The following TTYH2 variants were observed in gnomAD, a reference collection of about 807,000 sequenced individuals.
The protein encoded by TTYH2 is protein tweety homolog 2.
TTYH2 carries 49 observed loss-of-function variants against 68.3 expected under a neutral mutation model. That is an observed-to-expected ratio of 0.72 (90% CI 0.57 to 0.91). The LOEUF (loss-of-function observed/expected upper bound fraction) is 0.91, where lower values mean the gene tolerates loss of function less well. Among genes scored for constraint, TTYH2 ranks in the 40% least tolerant of loss-of-function variants. The pLI is 0.00. For missense variants in TTYH2, 631 were observed against 700.4 expected, an observed-to-expected ratio of 0.90 and a Z score of 1.12; for synonymous variants, 272 against 300.8, an observed-to-expected ratio of 0.90 and a Z score of 0.99.
At chr17:74,224,183 G>T (rs754563135) in intron 2 of TTYH2, among the ~76,000 whole-genome samples, 4 of 152,196 alleles carry the variant, frequency 2.6e-5, no homozygotes, top group Non-Finnish European at 5.9e-5. Context: ...GCCAAGGCGG[G>T]TGGATCGCCT....
At chr17:74,247,263 G>A (rs2050568512) in intron 6 of TTYH2, among the ~76,000 whole-genome samples, 1 of 151,732 alleles carries the variant, frequency 6.6e-6, no homozygotes. Flanking sequence ...TTGCCCCCGT[G>A]ACTCAGTTAC....
chr17:74,236,565 C>T (rs1284967619), intron 3 of TTYH2, among the ~76,000 whole-genome samples: 3 of 152,214 alleles, frequency 2.0e-5, no homozygotes, highest in African/African-American at 4.8e-5. Context: ...GCAGGGGCCA[C>T]GTGGTGGGCA....
chr17:74,248,264 C>G, intron 6 of TTYH2: 2 of 985,686 alleles, frequency 2.0e-6, no homozygotes, highest in African/African-American at 1.7e-5. Context: ...TAGAGCACCC[C>G]AGGCCAGATC....
chr17:74,244,014 T>G lies in TTYH2; in HGVS notation c.769T>G (p.Trp257Gly), dbSNP rs1481321733. The G allele has an allele frequency of 2.4e-5, 39 of 1,612,202 alleles. No individual in the cohort carries two copies. Among genetic ancestry groups the G allele is most frequent in the Non-Finnish European group, 3.3e-5 (39 of 1,179,920 alleles). The change falls in exon 6 of 14, where the codon TGG becomes GGG. Residue 257 changes from tryptophan (W) to glycine (G), a missense_variant. By Grantham distance (184) the Trp-to-Gly change is radical. Transcript: ENST00000269346. The part of the protein sequence containing the change: ...CCGALSLLLS[W>G]ASLAADGSAA... The stretch of plus-strand genomic sequence containing the variant: ...TGGGGCACTGAGCCTGCTCCTCAGT[T>G]GGGCATCCCTGGCCGCTGATGGCTC...
chr17:74,251,310 TTGTGTGCACA>T (rs1419866898), intron 10 of TTYH2, among the ~76,000 whole-genome samples: 4 of 149,962 alleles, frequency 2.7e-5, no homozygotes, highest in South Asian at 4.3e-4. Context: ...TGCATGTGTG[TTGTGTGCACA>T]TGTGTGCACA....
intron 4 of TTYH2, among the ~76,000 whole-genome samples, chr17:74,237,888 C>T (rs944558301): frequency 6.6e-6 from 1 of 152,252 alleles, no homozygotes; most frequent in Non-Finnish European, 1.5e-5. Flanking sequence ...TGGCCTCAGC[C>T]TCCCAAAGTG....
chr17:74,234,572 C>G lies in TTYH2; in HGVS notation c.415-2722C>G, dbSNP rs535414686. Among the ~76,000 whole-genome samples the G allele has an allele frequency of 2.6e-5, 4 of 152,284 alleles. No homozygotes were observed. In the East Asian group the frequency reaches 7.7e-4, roughly 29 times the overall value. ...ATAGCGAGACCCCATCTCAAAAAAA[C>G]AATTTTTTAGTTTTGTTTCCTGTGG... is the stretch of plus-strand genomic sequence containing the variant. On this transcript the variant is annotated intron_variant, in intron 3 of 13. Coordinates refer to ENST00000269346, the MANE Select transcript of TTYH2 (RefSeq NM_032646.6).
chr17:74,259,175 A>G (rs1431942634), intron 13 of TTYH2, among the ~76,000 whole-genome samples: 2 of 152,038 alleles, frequency 1.3e-5, no homozygotes, highest in African/African-American at 4.8e-5. Context: ...AAAAACACTG[A>G]TAGCTCTTTA....
At chr17:74,226,369 G>C (rs932831381) in intron 2 of TTYH2, among the ~76,000 whole-genome samples, 3 of 152,142 alleles carry the variant, frequency 2.0e-5, no homozygotes, top group African/African-American at 7.2e-5. Context: ...ACAAGGAAGG[G>C]CTGGGAATGC....
rs1491472533 is a variant in TTYH2 at position 74,232,062 on chromosome 17, CCA to C, written c.414+1069_414+1070del. On this transcript the variant is annotated intron_variant, in intron 3 of 13. Transcript: ENST00000269346. The surrounding 1 kb of genome is among the most constrained non-coding windows in gnomAD (Gnocchi z 5.1). The stretch of plus-strand genomic sequence containing the variant: ...TTTTCCCACAGTTTGACCTTGGCCC[CCA>C]CACACGTCATTCTCACTCTAAGCAC... Among the ~76,000 whole-genome samples, 1 of 152,200 alleles carries C rather than the reference CCA, an allele frequency of 6.6e-6. No homozygotes were observed. The highest frequency in any genetic ancestry group is 1.5e-5 in the Non-Finnish European group (1 of 68,036).
rs2050402252 is a variant in TTYH2, at chr17:74,232,693, A to G, written c.414+1694A>G. The stretch of plus-strand genomic sequence containing the variant: ...TGCCTCCTCTTCACCCACCAGCACC[A>G]GGATCACTGGAGGAGGAACCTAGCC... On this transcript the variant is annotated intron_variant, in intron 3 of 13. Transcript: ENST00000269346. This position sits in a 1 kb window ranked among gnomAD's most constrained non-coding sequence, Gnocchi z 5.1. 1.3e-5 allele frequency among the ~76,000 whole-genome samples: 2 copies of G among 152,140 alleles called. No homozygotes were observed. The highest frequency in any genetic ancestry group is 1.3e-4 in the Admixed American group (2 of 15,278).
At chr17:74,260,035 G>C in intron 13 of TTYH2, 94 bp from the exon 14 acceptor site, 1 of 1,139,528 alleles carries the variant, frequency 8.8e-7, no homozygotes, top group South Asian at 1.2e-5. Context: ...TCTGACACCC[G>C]ACCCAGTTCC....
At chr17:74,253,473 C>T (rs2050658976) in intron 12 of TTYH2, among the ~76,000 whole-genome samples, 1 of 152,216 alleles carries the variant, frequency 6.6e-6, no homozygotes, top group Admixed American at 6.5e-5. Context: ...CCACTGATGT[C>T]AGCAGCCTCT....
At chr17:74,238,667 G>A (rs2050468995) in intron 4 of TTYH2, among the ~76,000 whole-genome samples, 1 of 152,028 alleles carries the variant, frequency 6.6e-6, no homozygotes, top group Admixed American at 6.5e-5. Context: ...GGGAGTCCGA[G>A]ACCAGCCTGA....
rs1300178422 is a variant in TTYH2 at position 74,260,012 on chromosome 17, G to A, written c.1525-117G>A. ...CTTGATGGATGTGGGGTGGAGGCACGGCCGGGTTTCCCTCTGACACCCGAC... is the reference window on the plus strand; with the variant it reads ...CTTGATGGATGTGGGGTGGAGGCACAGCCGGGTTTCCCTCTGACACCCGAC... On this transcript the variant is annotated intron_variant, in intron 13 of 13. Transcript: ENST00000269346. 2.5e-5 allele frequency: 21 copies of A among 853,050 alleles called. 1 individual carries two copies. Among genetic ancestry groups the A allele is most frequent in the South Asian group, 1.2e-4 (9 of 73,524 alleles). 52.8% of individuals were successfully genotyped at this position (853,050 alleles called of 1,614,324 possible).
In TTYH2 at chr17:74,250,258, G is replaced by A. The variant is rs370613156; in HGVS notation, c.1024-7G>A. The A allele has an allele frequency of 4.9e-5, 79 of 1,610,880 alleles. No individual in the cohort carries two copies. The highest frequency in any genetic ancestry group is 6.2e-5 in the Non-Finnish European group (73 of 1,178,422). ...CCTCGGCCTCTCTCGCTCTCTTCCC[G>A]CTTCAGGAAGACCTGCTTGCAATCC... On this transcript the variant is annotated splice_region_variant and splice_polypyrimidine_tract_variant and intron_variant, in intron 9 of 13. Coordinates refer to ENST00000269346, the MANE Select transcript of TTYH2 (RefSeq NM_032646.6).
chr17:74,240,053 T>C lies in TTYH2; in HGVS notation c.635+2539T>C, dbSNP rs146796175. ...TATTGTTAAGGCGATGGTATTAAAA[T>C]AGTGGAAGGATGGTGTCAACTGCAC... is the stretch of plus-strand genomic sequence containing the variant. On this transcript the variant is annotated intron_variant, in intron 4 of 13. Transcript: ENST00000269346. Among the ~76,000 whole-genome samples, 685 of 152,320 alleles carry C rather than the reference T, an allele frequency of 4.5e-3. 6 individuals carry two copies. The highest frequency in any genetic ancestry group is 0.016 in the African/African-American group (665 of 41,570).
intron 6 of TTYH2, 29 bp downstream of exon 6, chr17:74,244,078 G>T (rs1567817837): frequency 6.2e-7 from 1 of 1,601,842 alleles, no homozygotes; most frequent in Non-Finnish European, 8.5e-7. Flanking sequence ...TGGGTGGTGG[G>T]TGGTGGTTGG....
rs920076946 is a variant in TTYH2 at position 74,215,851 on chromosome 17, G to A, written c.129+2135G>A. ...GACTGGAGCAAGTGCTATGCCAGGC[G>A]TGGGGTGACCGTGGTAACCAAGGCA... On this transcript the variant is annotated intron_variant, in intron 1 of 13. Coordinates refer to ENST00000269346, the MANE Select transcript of TTYH2 (RefSeq NM_032646.6). This position sits in a 1 kb window ranked among gnomAD's most constrained non-coding sequence, Gnocchi z 4.3. 23 of 841,452 alleles carry A rather than the reference G, an allele frequency of 2.7e-5. No individual in the cohort carries two copies. Among genetic ancestry groups the A allele is most frequent in the East Asian group, 5.3e-5 (2 of 37,388 alleles). The allele number at this position is 841,452 out of a possible 1,614,324, so 52.1% of individuals were successfully genotyped here. A position where few individuals can be genotyped will look rare whatever the true frequency, so the allele number is the denominator to read the frequency against.
Sources: allele counts gnomAD v4.1 joint callset (sites outside exome capture counted in the v4.1 genomes callset), GRCh38; gene constraint gnomAD v4.1.1; non-coding constraint Gnocchi (gnomAD v3.1); transcripts MANE v1.5; gene names NCBI Gene and HGNC (gene_info 2026-07-23, HGNC 2026-07-21).